The following ADGRB3 variants were observed in gnomAD, a reference collection of about 807,000 sequenced individuals.
ADGRB3 encodes adhesion G protein-coupled receptor B3.
Under a neutral mutation model 193.4 loss-of-function variants are expected in ADGRB3, and 37 were observed. The observed-to-expected ratio is 0.19, with a 90% CI of 0.15 to 0.25. ADGRB3 has a LOEUF of 0.25. ADGRB3 is among the 10% of genes least tolerant of loss of function. The pLI, the probability that ADGRB3 is intolerant of heterozygous loss-of-function variation, is 1.00. For synonymous variants in ADGRB3, 690 were observed against 644.2 expected, an observed-to-expected ratio of 1.07 and a Z score of -1.08; for missense variants, 1,637 against 1,852.9, an observed-to-expected ratio of 0.88 and a Z score of 2.14.
chr6:68,978,572 A>T (rs1191802627), intron 10 of ADGRB3, among the ~76,000 whole-genome samples: 1 of 151,534 alleles, frequency 6.6e-6, no homozygotes, highest in Non-Finnish European at 1.5e-5. Context: ...CAGCCTCATC[A>T]TCCACACTCT....
At chr6:68,971,499 A>G (rs1033612145) in intron 8 of ADGRB3, among the ~76,000 whole-genome samples, 1 of 152,194 alleles carries the variant, frequency 6.6e-6, no homozygotes, top group Non-Finnish European at 1.5e-5. Context: ...ATATAAGTGG[A>G]CCCATGCAGC....
At position 68,772,957 on chromosome 6, in the gene ADGRB3, T is replaced by TA. The variant is rs199680949; in HGVS notation, c.757+133530dup. Among the ~76,000 whole-genome samples, 331 of 57,168 alleles carry TA rather than the reference T, an allele frequency of 5.8e-3. 11 individuals are homozygous for TA. The highest frequency in any genetic ancestry group is 0.017 in the African/African-American group (296 of 17,772). 37.5% of individuals were successfully genotyped at this position (57,168 alleles called of 152,430 possible). A position where few individuals can be genotyped will look rare whatever the true frequency, so the allele number is the denominator to read the frequency against. On this transcript the variant is annotated intron_variant, in intron 3 of 31. Coordinates refer to ENST00000370598, the MANE Select transcript of ADGRB3 (RefSeq NM_001704.3). ...TACATACACACACAAAAATAAAAAA[T>TA]AAAAATAAAATAGACAGGCATGGTA...
intron 5 of ADGRB3, among the ~76,000 whole-genome samples, chr6:68,942,354 C>A (rs1380867571): frequency 6.6e-6 from 1 of 152,100 alleles, no homozygotes; most frequent in African/African-American, 2.4e-5. Flanking sequence ...TTTGGGGAGT[C>A]ATTTTCCTCT....
intron 24 of ADGRB3, among the ~76,000 whole-genome samples, chr6:69,336,437 G>T (rs769777767): frequency 2.0e-5 from 3 of 151,006 alleles, no homozygotes; most frequent in East Asian, 1.9e-4. Flanking sequence ...AGAGGCTGGC[G>T]CATTTCCTTT....
At chr6:68,896,684 A>G (rs1169802163) in intron 3 of ADGRB3, among the ~76,000 whole-genome samples, 1 of 152,170 alleles carries the variant, frequency 6.6e-6, no homozygotes, top group Non-Finnish European at 1.5e-5. Context: ...ATTAGGGGAA[A>G]GAGAAAGGAG....
intron 20 of ADGRB3, among the ~76,000 whole-genome samples, chr6:69,321,564 G>A (rs1768457955): frequency 6.6e-6 from 1 of 151,710 alleles, no homozygotes; most frequent in Non-Finnish European, 1.5e-5. Flanking sequence ...GGAGATTCAG[G>A]ATTTGAGGCT....
chr6:69,244,421 C>T (rs73469328), intron 20 of ADGRB3, among the ~76,000 whole-genome samples: 3,225 of 152,126 alleles, frequency 0.021, 103 homozygotes, highest in African/African-American at 0.069. Context: ...TTGGGTCAAG[C>T]ACTCTCTAAT....
intron 4 of ADGRB3, among the ~76,000 whole-genome samples, chr6:68,933,820 CAGT>C (rs1372838014): frequency 6.6e-6 from 1 of 152,078 alleles, no homozygotes; most frequent in African/African-American, 2.4e-5. Context: ...AGCTATTATT[CAGT>C]AGATTTCCAT....
At chr6:69,259,786 T>G (rs948329774) in intron 20 of ADGRB3, among the ~76,000 whole-genome samples, 3 of 151,992 alleles carry the variant, frequency 2.0e-5, no homozygotes, top group African/African-American at 7.2e-5. Flanking sequence ...TAGCATTTAA[T>G]TCAACAAATA....
chr6:69,154,054 T>A (rs1174106251), intron 17 of ADGRB3, among the ~76,000 whole-genome samples: 2 of 152,068 alleles, frequency 1.3e-5, no homozygotes, highest in Admixed American at 1.3e-4. Flanking sequence ...TCAAAATGAG[T>A]TGAAATGATG....
intron 3 of ADGRB3, among the ~76,000 whole-genome samples, chr6:68,890,640 C>T (rs1414829833): frequency 6.6e-6 from 1 of 151,994 alleles, no homozygotes; most frequent in Non-Finnish European, 1.5e-5. Flanking sequence ...TTAACAGGTA[C>T]AAGACATTAA....
intron 1 of ADGRB3, among the ~76,000 whole-genome samples, chr6:68,636,547 G>A (rs12198214): frequency 1.4e-5 from 2 of 146,406 alleles, no homozygotes; most frequent in Non-Finnish European, 1.5e-5. Flanking sequence ...AGGGAAACAC[G>A]GCTTTTTGAA....
intron 17 of ADGRB3, among the ~76,000 whole-genome samples, chr6:69,206,045 G>GTATATA (rs56741913): frequency 0.048 from 4,767 of 99,626 alleles, 174 homozygotes; most frequent in South Asian, 0.057. Context: ...TATAATAATG[G>GTATATA]TATATATATA....
intron 13 of ADGRB3, among the ~76,000 whole-genome samples, chr6:69,035,225 T>A (rs1009660641): frequency 3.3e-5 from 5 of 152,180 alleles, no homozygotes; most frequent in African/African-American, 9.6e-5. Context: ...GGTATGAGGA[T>A]TTAAATGCTT....
intron 6 of ADGRB3, among the ~76,000 whole-genome samples, chr6:68,955,047 C>T (rs1768033506): frequency 6.6e-6 from 1 of 152,126 alleles, no homozygotes; most frequent in South Asian, 2.1e-4. Context: ...TAGCCTCTCT[C>T]TTTTTTAAAA....
intron 3 of ADGRB3, among the ~76,000 whole-genome samples, chr6:68,847,758 T>C (rs1768309770): frequency 6.6e-6 from 1 of 152,106 alleles, no homozygotes; most frequent in Non-Finnish European, 1.5e-5. Flanking sequence ...AATAAAGTTA[T>C]GTTGTTTTGT....
chr6:69,092,792 C>T (rs185211693), intron 17 of ADGRB3, among the ~76,000 whole-genome samples: 7 of 151,848 alleles, frequency 4.6e-5, no homozygotes, highest in East Asian at 1.9e-4. Flanking sequence ...AGACATTGGA[C>T]GATTAAATGT....
intron 17 of ADGRB3, among the ~76,000 whole-genome samples, chr6:69,194,486 A>G (rs144738334): frequency 1.2e-4 from 19 of 152,138 alleles, no homozygotes; most frequent in African/African-American, 4.6e-4. Flanking sequence ...AGCTTAAGAT[A>G]AAAAGGTAAA....
At chr6:69,281,366 A>G (rs1447169349) in intron 20 of ADGRB3, among the ~76,000 whole-genome samples, 1 of 152,174 alleles carries the variant, frequency 6.6e-6, no homozygotes, top group Non-Finnish European at 1.5e-5. Context: ...TTTCCAGGAA[A>G]CATTCAATAG....
Sources: gnomAD v4.1 joint callset for allele counts (sites outside exome capture counted in the v4.1 genomes callset) on GRCh38, gnomAD v4.1.1 for gene constraint, MANE v1.5 for transcripts, NCBI Gene and HGNC (gene_info 2026-07-23, HGNC 2026-07-21) for gene names.